The following ABHD12 variants were observed in gnomAD, a reference collection of about 807,000 sequenced individuals.
ABHD12 encodes abhydrolase domain containing 12, lysophospholipase, also known as lysophosphatidylserine lipase ABHD12.
ABHD12 carries 43 observed loss-of-function variants against 58.3 expected under a neutral mutation model. The ratio of observed to expected loss-of-function variants is 0.74; its 90% CI spans 0.58 to 0.95. ABHD12 has a LOEUF of 0.95. Among genes scored for constraint, ABHD12 ranks in the 40% least tolerant of loss-of-function variants. The pLI, the probability that ABHD12 is intolerant of heterozygous loss-of-function variation, is 0.00. For missense variants in ABHD12, 539 were observed against 537.2 expected (o/e 1.00, Z -0.03); for synonymous variants, 219 against 211.2 (o/e 1.04, Z -0.32).
chr20:25,325,474 G>A (rs567793159), intron 2 of ABHD12, among the ~76,000 whole-genome samples: 2 of 152,178 alleles, frequency 1.3e-5, no homozygotes, highest in African/African-American at 4.8e-5. Flanking sequence ...GAGGTCACTG[G>A]GTGGATACTA....
rs796414179 is a variant in ABHD12 at position 25,324,461 on chromosome 20, T to C, written c.317-1031A>G. On this transcript the variant is annotated intron_variant, in intron 2 of 12. Coordinates refer to ENST00000339157, the MANE Select transcript of ABHD12 (RefSeq NM_001042472.3). ...AAACAAAAAATTTAAAATAAACGCATGAACCCTGAGGTGGGATTTGCCTGC... is the reference window on the plus strand; with the variant it reads ...AAACAAAAAATTTAAAATAAACGCACGAACCCTGAGGTGGGATTTGCCTGC... 2.4e-4 allele frequency among the ~76,000 whole-genome samples: 36 copies of C among 152,318 alleles called. 1 individual carries two copies. The highest frequency in any genetic ancestry group is 7.9e-4 in the African/African-American group (33 of 41,578).
At chr20:25,348,151 A>G (rs1474660739) in intron 1 of ABHD12, among the ~76,000 whole-genome samples, 1 of 151,966 alleles carries the variant, frequency 6.6e-6, no homozygotes, top group Non-Finnish European at 1.5e-5. Context: ...CAGAGGTTGC[A>G]GTAAGCCGAG....
downstream of ABHD12, chr20:25,296,666 G>A (rs145042596): frequency 1.2e-3 from 1,398 of 1,134,426 alleles, 3 homozygotes; most frequent in Non-Finnish European, 1.5e-3. Flanking sequence ...GGGGGTCAGG[G>A]TGGTTTTGAG....
downstream of ABHD12, chr20:25,296,597 CTT>C: frequency 1.3e-6 from 2 of 1,519,178 alleles, no homozygotes; most frequent in Non-Finnish European, 8.9e-7. Context: ...TCCCCAAACA[CTT>C]TGCCAGCCAC....
At chr20:25,363,620 G>A (rs1347542948) in intron 1 of ABHD12, among the ~76,000 whole-genome samples, 2 of 151,904 alleles carry the variant, frequency 1.3e-5, no homozygotes, top group Admixed American at 6.6e-5. Flanking sequence ...TAATCTCAGC[G>A]TTTTGGGAGG....
At chr20:25,374,531 T>G (rs562987142) in intron 1 of ABHD12, among the ~76,000 whole-genome samples, 1 of 152,366 alleles carries the variant, frequency 6.6e-6, no homozygotes, top group Non-Finnish European at 1.5e-5. Flanking sequence ...TTCGCTCTTG[T>G]TGCCCAGGCT....
At chr20:25,302,076 G>A in intron 12 of ABHD12, 143 bp downstream of exon 12, 1 of 1,240,690 alleles carries the variant, frequency 8.1e-7, no homozygotes. Flanking sequence ...CCTCTGCCAA[G>A]GAAATGGAAG....
intron 1 of ABHD12, among the ~76,000 whole-genome samples, chr20:25,366,980 C>T (rs1277870481): frequency 1.3e-5 from 2 of 151,758 alleles, no homozygotes; most frequent in Non-Finnish European, 2.9e-5. Context: ...TTGAATATAC[C>T]CTTGGTACGA....
At chr20:25,352,188 C>T (rs190721294) in intron 1 of ABHD12, among the ~76,000 whole-genome samples, 228 of 151,720 alleles carry the variant, frequency 1.5e-3, no homozygotes, top group Non-Finnish European at 2.5e-3. Flanking sequence ...GATGAGGTTT[C>T]ACCACATTGG....
intron 6 of ABHD12, among the ~76,000 whole-genome samples, chr20:25,313,604 A>AAAATAAAATG: frequency 6.6e-6 from 1 of 151,204 alleles, no homozygotes; most frequent in Admixed American, 6.6e-5. Context: ...AAAATAAAAT[A>AAAATAAAATG]AAATAAAATA....
At chr20:25,339,874 C>T in intron 1 of ABHD12, 1 of 817,258 alleles carries the variant, frequency 1.2e-6, no homozygotes, top group Non-Finnish European at 1.6e-6. Context: ...ACGGTGTGTC[C>T]TTGCATTTAC....
chr20:25,301,509 C>G (rs1265675544), intron 12 of ABHD12, among the ~76,000 whole-genome samples: 1 of 152,276 alleles, frequency 6.6e-6, no homozygotes, highest in Non-Finnish European at 1.5e-5. Flanking sequence ...CACATGCCCT[C>G]CTCGGCTCAG....
At chr20:25,330,054 G>C (rs1306177641) in intron 2 of ABHD12, among the ~76,000 whole-genome samples, 1 of 152,254 alleles carries the variant, frequency 6.6e-6, no homozygotes, top group Non-Finnish European at 1.5e-5. Context: ...TGAGGTACCA[G>C]GTTCATCTCA....
chr20:25,330,656 C>G (rs1296510593), intron 2 of ABHD12, among the ~76,000 whole-genome samples: 2 of 152,192 alleles, frequency 1.3e-5, no homozygotes, highest in African/African-American at 4.8e-5. Context: ...GTCCCTGACC[C>G]CTGACCCCCG....
chr20:25,299,008 G>A (rs961474054), downstream of ABHD12, among the ~76,000 whole-genome samples: 2 of 152,228 alleles, frequency 1.3e-5, no homozygotes, highest in Non-Finnish European at 2.9e-5. Context: ...ACCCTGGGTA[G>A]GGCACTTGGA....
At chr20:25,315,906 A>C (rs2088952739) in intron 5 of ABHD12, among the ~76,000 whole-genome samples, 1 of 152,008 alleles carries the variant, frequency 6.6e-6, no homozygotes, top group Non-Finnish European at 1.5e-5. Flanking sequence ...CTCTGAGGGG[A>C]GGAGAGTGAG....
chr20:25,315,084 C>T (rs1258648664), intron 5 of ABHD12, 114 bp from the exon 6 acceptor site: 3 of 1,116,700 alleles, frequency 2.7e-6, no homozygotes, highest in South Asian at 1.3e-5. Context: ...TACGTAGTGG[C>T]AGCTTCATAA....
At chr20:25,305,161 C>T in intron 10 of ABHD12, among the ~76,000 whole-genome samples, 1 of 152,190 alleles carries the variant, frequency 6.6e-6, no homozygotes, top group African/African-American at 2.4e-5. Flanking sequence ...GCCACTGCAC[C>T]CAGCCCAGAT....
chr20:25,343,137 C>G (rs936021585), intron 1 of ABHD12, among the ~76,000 whole-genome samples: 1 of 152,140 alleles, frequency 6.6e-6, no homozygotes, highest in African/African-American at 2.4e-5. Context: ...TTGTCTTAGA[C>G]AAAACCTGCC....
Sources: allele counts gnomAD v4.1 joint callset (sites outside exome capture counted in the v4.1 genomes callset), GRCh38; gene constraint gnomAD v4.1.1; transcripts MANE v1.5; gene names NCBI Gene and HGNC (gene_info 2026-07-23, HGNC 2026-07-21).